The following LYST variants were observed in gnomAD, a reference collection of about 807,000 sequenced individuals.
LYST encodes the protein lysosomal-trafficking regulator.
Under a neutral mutation model 413.6 loss-of-function variants are expected in LYST, and 192 were observed. That is an observed-to-expected ratio of 0.46 (90% CI 0.41 to 0.52). The LOEUF is 0.52. LYST is among the 20% of genes least tolerant of loss of function. The pLI is 0.00. For missense variants in LYST, 3,815 were observed against 4,499.9 expected, an observed-to-expected ratio of 0.85 and a Z score of 4.35; for synonymous variants, 1,525 against 1,567.3, an observed-to-expected ratio of 0.97 and a Z score of 0.64.
chr1:235,742,549 G>C (rs890410054), intron 30 of LYST, among the ~76,000 whole-genome samples: 3 of 148,848 alleles, frequency 2.0e-5, no homozygotes, highest in African/African-American at 7.5e-5. Context: ...CTTAAAAATG[G>C]TTAAAATGGT....
rs546420201 is a variant in LYST at position 235,697,044 on chromosome 1, A to G, written c.10564+39T>C. ...GCTAGAAATACTCAAATCTCACGAAAGATATATCCAGAATGATCTTCGTTA... is the reference window on the plus strand; with the variant it reads ...GCTAGAAATACTCAAATCTCACGAAGGATATATCCAGAATGATCTTCGTTA... On this transcript the variant is annotated intron_variant, in intron 46 of 52. Coordinates refer to ENST00000389793, the MANE Select transcript of LYST (RefSeq NM_000081.4). The G allele has an allele frequency of 5.7e-6, 9 of 1,574,698 alleles. No individual in the cohort carries two copies. In the South Asian group the frequency reaches 1.0e-4, roughly 17 times the overall value.
At chr1:235,754,916 T>TA (rs1484315103) in intron 25 of LYST, among the ~76,000 whole-genome samples, 18 of 142,296 alleles carry the variant, frequency 1.3e-4, no homozygotes, top group Admixed American at 9.9e-4. Flanking sequence ...CCACTAAAAG[T>TA]AAAAAAAATT....
chr1:235,853,313 C>G (rs1014154775), intron 1 of LYST, among the ~76,000 whole-genome samples: 3 of 152,142 alleles, frequency 2.0e-5, no homozygotes, highest in African/African-American at 7.2e-5. Flanking sequence ...AGAATTGGCT[C>G]TGAACTAGAT....
intron 3 of LYST, among the ~76,000 whole-genome samples, chr1:235,814,234 A>G (rs1389336246): frequency 2.0e-5 from 3 of 152,170 alleles, no homozygotes; most frequent in Non-Finnish European, 4.4e-5. Flanking sequence ...TTTCAGACAT[A>G]TGGAGTCTGA....
intron 1 of LYST, among the ~76,000 whole-genome samples, chr1:235,841,171 A>C (rs1677161664): frequency 6.6e-6 from 1 of 152,224 alleles, no homozygotes; most frequent in African/African-American, 2.4e-5. Context: ...ATACCTTCTC[A>C]ACAACTATCC....
At chr1:235,698,769 A>C (rs936506330) in intron 45 of LYST, among the ~76,000 whole-genome samples, 4 of 152,098 alleles carry the variant, frequency 2.6e-5, no homozygotes, top group Non-Finnish European at 4.4e-5. Context: ...GCTGCTCGGG[A>C]GGCTGAGGCA....
chr1:235,753,063 G>T lies in LYST; in HGVS notation c.7441C>A (p.Leu2481Met). The T allele has an allele frequency of 1.3e-6, 2 of 1,557,844 alleles. No individual in the cohort carries two copies. The change falls in exon 26 of 53, where the codon CTG becomes ATG. Residue 2481 changes from leucine (L) to methionine (M), a missense_variant. Leu to Met is a conservative substitution (Grantham distance 15, BLOSUM62 2). Transcript: ENST00000389793. ...LYVLCNTVAA[L>M]NGLEKNIPMS... Reference sequence around the variant, plus strand: ...ACTTACTTCTTTTCTAATCCATTCAGGGCTGCTACTGTATTACATAACACA... The same window carrying T: ...ACTTACTTCTTTTCTAATCCATTCATGGCTGCTACTGTATTACATAACACA...
rs1166638088 is a variant in LYST, at chr1:235,803,070, A to G, written c.3556-6T>C. 1 of 1,609,666 alleles carries G rather than the reference A, an allele frequency of 6.2e-7. No homozygotes were observed. Among genetic ancestry groups the G allele is most frequent in the Non-Finnish European group, 8.5e-7 (1 of 1,177,506 alleles). Reference sequence around the variant, plus strand: ...TCTTCTGCAGATTGATGACTCTATAAATCAGTGTAATTCAAAGGTTGTAAC... The same window carrying G: ...TCTTCTGCAGATTGATGACTCTATAGATCAGTGTAATTCAAAGGTTGTAAC... On this transcript the variant is annotated splice_region_variant and splice_polypyrimidine_tract_variant and intron_variant, in intron 7 of 52. Transcript: ENST00000389793.
chr1:235,807,459 C>T (rs993132870), intron 5 of LYST, among the ~76,000 whole-genome samples: 9 of 152,130 alleles, frequency 5.9e-5, no homozygotes, highest in African/African-American at 9.7e-5. Context: ...TCCACGAATA[C>T]GCCAAAGAGT....
At chr1:235,757,240 T>C (rs753481684) in intron 24 of LYST, 41 bp downstream of exon 24, 2 of 1,378,394 alleles carry the variant, frequency 1.5e-6, no homozygotes, top group Non-Finnish European at 2.0e-6. Context: ...TATATATTTA[T>C]TTTTCTGAAT....
chr1:235,828,470 A>T (rs1675580880), intron 3 of LYST, among the ~76,000 whole-genome samples: 1 of 152,210 alleles, frequency 6.6e-6, no homozygotes, highest in Non-Finnish European at 1.5e-5. Flanking sequence ...TGCTGTTATT[A>T]AGATTTTGAT....
chr1:235,738,155 T>A (rs1664982193), intron 31 of LYST: 29 of 1,609,372 alleles, frequency 1.8e-5, no homozygotes, highest in Non-Finnish European at 2.3e-5. Context: ...CTCTTGTTGA[T>A]GTCATGGAAG....
intron 50 of LYST, among the ~76,000 whole-genome samples, chr1:235,670,183 C>G (rs894801534): frequency 3.9e-5 from 6 of 152,144 alleles, no homozygotes; most frequent in African/African-American, 7.2e-5. Context: ...CTCTTGCAAA[C>G]GGCATATTTA....
intron 31 of LYST, chr1:235,736,844 A>G (rs1216211700): frequency 9.4e-6 from 1 of 106,344 alleles, no homozygotes; most frequent in Non-Finnish European, 1.8e-5. Flanking sequence ...TGTATCTTCA[A>G]CAGAAAAAAA....
intron 1 of LYST, among the ~76,000 whole-genome samples, chr1:235,837,549 C>T (rs1676701263): frequency 6.6e-6 from 1 of 151,344 alleles, no homozygotes; most frequent in Admixed American, 6.6e-5. Flanking sequence ...ACTGCTTGAA[C>T]CTGAAAGGGG....
intron 1 of LYST, among the ~76,000 whole-genome samples, chr1:235,848,719 C>T (rs781559671): frequency 2.0e-5 from 3 of 151,952 alleles, no homozygotes; most frequent in Non-Finnish European, 2.9e-5. Context: ...CACTGAAATA[C>T]AAAAGATCAT....
Position 235,800,900 on chromosome 1 carries a change from C to A in LYST, c.3910G>T (p.Glu1304Ter). The A allele has an allele frequency of 1.2e-6, 2 of 1,613,098 alleles. No homozygotes were observed. Among genetic ancestry groups the A allele is most frequent in the Non-Finnish European group, 1.7e-6 (2 of 1,179,336 alleles). The change falls in exon 9 of 53, where the codon GAA (glutamate) becomes TAA (stop). Residue 1304 changes from glutamate to a stop codon, truncating the protein, a stop_gained. Transcript: ENST00000389793. LOFTEE classifies it high-confidence loss of function. ...ESFLKIIRQK[E>*]KNVFLLMQQG... ...TGCATGAGCAGAAAAACATTCTTTT[C>A]TTTCTGCCTAATAATTTTCAAAAAA...
Position 235,759,246 on chromosome 1 carries a change from C to G in LYST, c.6607G>C (p.Asp2203His), listed in dbSNP as rs556173059. ...GVLGFPVVKA[D>H]HKQLGAEPRS... is the part of the protein sequence containing the mutation. ...GGTTCTGCTCCCAACTGTTTATGATCTGCTTTGACCACTGGAAATCCCAGC... is the reference window on the plus strand; with the variant it reads ...GGTTCTGCTCCCAACTGTTTATGATGTGCTTTGACCACTGGAAATCCCAGC... The change falls in exon 23 of 53, where the codon GAT becomes CAT. Residue 2203 changes from aspartate to histidine, a missense_variant. Transcript: ENST00000389793. The G allele has an allele frequency of 6.2e-7, 1 of 1,614,158 alleles. No individual in the cohort carries two copies. Among genetic ancestry groups the G allele is most frequent in the African/African-American group, 1.3e-5 (1 of 75,058 alleles).
At chr1:235,823,586 T>C (rs559411531) in intron 3 of LYST, among the ~76,000 whole-genome samples, 40 of 152,252 alleles carry the variant, frequency 2.6e-4, no homozygotes, top group Non-Finnish European at 4.7e-4. Context: ...TCATGGCCTC[T>C]GCCCTTCAGG....
Sources: allele counts gnomAD v4.1 joint callset (sites outside exome capture counted in the v4.1 genomes callset), GRCh38; gene constraint gnomAD v4.1.1; transcripts MANE v1.5; gene names NCBI Gene and HGNC (gene_info 2026-07-23, HGNC 2026-07-21).